The following ADGRL3 variants were observed in gnomAD, a reference collection of about 807,000 sequenced individuals.
ADGRL3 encodes the protein adhesion G protein-coupled receptor L3.
In ADGRL3, 62 loss-of-function variants were observed where a neutral mutation model predicts 153.5. The observed-to-expected ratio is 0.40, with a 90% confidence interval of 0.33 to 0.50. The LOEUF (loss-of-function observed/expected upper bound fraction) is 0.50, where lower values mean the gene tolerates loss of function less well. Ranked by LOEUF, ADGRL3 falls within the 20% of genes least tolerant of loss-of-function variation. The pLI, the probability that ADGRL3 is intolerant of heterozygous loss-of-function variation, is 0.47. For missense variants in ADGRL3, 1,641 were observed against 1,859.4 expected (o/e 0.88, Z 2.16); for synonymous variants, 710 against 672.5 (o/e 1.06, Z -0.86).
At chr4:61,858,147 G>T (rs1334549603) in intron 9 of ADGRL3, among the ~76,000 whole-genome samples, 1 of 152,184 alleles carries the variant, frequency 6.6e-6, no homozygotes, top group Non-Finnish European at 1.5e-5. Flanking sequence ...ATAACCAATG[G>T]CAGTAAATTA....
intron 25 of ADGRL3, 139 bp downstream of exon 25, chr4:62,044,688 A>T (rs1306411285): frequency 1.8e-6 from 1 of 543,842 alleles, no homozygotes; most frequent in Non-Finnish European, 3.3e-6. Context: ...GGTTGAGTGT[A>T]GCAATGTGTT....
chr4:61,730,541 A>C (rs1019922308), intron 6 of ADGRL3, 81 bp from the exon 7 acceptor site: 1 of 351,704 alleles, frequency 2.8e-6, no homozygotes, highest in Non-Finnish European at 5.5e-6. Flanking sequence ...GGAAGAGGTG[A>C]ATAAAAAGTG....
chr4:61,418,435 A>G (rs2097168487), intron 2 of ADGRL3, among the ~76,000 whole-genome samples: 1 of 151,308 alleles, frequency 6.6e-6, no homozygotes, highest in Admixed American at 6.6e-5. Context: ...TGTCTTCACA[A>G]TGGCAGCAAA....
At position 61,368,501 on chromosome 4, in the gene ADGRL3, C is replaced by T. The variant is rs558373282; in HGVS notation, c.-239-14623C>T. Among the ~76,000 whole-genome samples, 574 of 152,174 alleles carry T rather than the reference C, an allele frequency of 3.8e-3. 4 individuals carry two copies. Among genetic ancestry groups the T allele is most frequent in the Non-Finnish European group, 4.8e-3 (329 of 67,984 alleles). On this transcript the variant is annotated intron_variant, in intron 1 of 26. Transcript: ENST00000683033. ...TAAATGGGGAATCCTTTCCCCATTG[C>T]TTGTTTTTCTCAGGTTTGTCAAAGA...
intron 5 of ADGRL3, among the ~76,000 whole-genome samples, chr4:61,626,064 A>G (rs780577886): frequency 6.6e-6 from 1 of 152,018 alleles, no homozygotes; most frequent in Non-Finnish European, 1.5e-5. Flanking sequence ...ATGGCTTTCT[A>G]TTTGACCTTA....
intron 1 of ADGRL3, among the ~76,000 whole-genome samples, chr4:61,275,532 G>C (rs1226326545): frequency 6.6e-6 from 1 of 152,148 alleles, no homozygotes; most frequent in Non-Finnish European, 1.5e-5. Context: ...TGGTTTTTCT[G>C]TTTTTCCCCA....
In ADGRL3 at chr4:61,837,683, G is replaced by A. The variant is rs1385147049; in HGVS notation, c.1480+23794G>A. On this transcript the variant is annotated intron_variant, in intron 9 of 26. Transcript: ENST00000683033. ...TCTGTTTTTAGGGAAGTTCTGGGAA[G>A]GCTTCTGTCTGCATCTATAGATTCT... Among the ~76,000 whole-genome samples, 4 of 152,042 alleles carry A rather than the reference G, an allele frequency of 2.6e-5. No individual in the cohort carries two copies. In the South Asian group the frequency reaches 8.3e-4, roughly 31 times the overall value.
At chr4:61,876,839 C>T (rs950939755) in intron 9 of ADGRL3, among the ~76,000 whole-genome samples, 42 of 151,118 alleles carry the variant, frequency 2.8e-4, no homozygotes, top group African/African-American at 8.7e-4. Context: ...CAGCAGCCCT[C>T]GGGCTGCTCT....
chr4:62,010,547 G>T (rs2099180884), intron 21 of ADGRL3, among the ~76,000 whole-genome samples: 1 of 152,016 alleles, frequency 6.6e-6, no homozygotes, highest in Non-Finnish European at 1.5e-5. Context: ...ATATATTTGT[G>T]AAAGAACAAT....
chr4:61,445,462 G>C (rs2097571861), intron 2 of ADGRL3, among the ~76,000 whole-genome samples: 1 of 152,154 alleles, frequency 6.6e-6, no homozygotes, highest in Non-Finnish European at 1.5e-5. Flanking sequence ...TGTTTAACTT[G>C]GGTTCTAAAG....
chr4:61,403,564 G>A (rs886419885), intron 2 of ADGRL3, among the ~76,000 whole-genome samples: 2 of 152,028 alleles, frequency 1.3e-5, no homozygotes, highest in Admixed American at 6.6e-5. Context: ...TCACCTGGTT[G>A]TTTGTCAGTT....
chr4:62,010,728 T>A (rs2099182061), intron 21 of ADGRL3, among the ~76,000 whole-genome samples: 2 of 152,100 alleles, frequency 1.3e-5, no homozygotes, highest in African/African-American at 4.8e-5. Flanking sequence ...TATTGTAATT[T>A]ATCTGTCTTC....
chr4:61,915,823 G>A (rs1199780290), intron 13 of ADGRL3, among the ~76,000 whole-genome samples: 1 of 151,996 alleles, frequency 6.6e-6, no homozygotes, highest in East Asian at 1.9e-4. Flanking sequence ...AGTACATTCA[G>A]AGCTACCTAC....
intron 1 of ADGRL3, among the ~76,000 whole-genome samples, chr4:61,379,525 C>G (rs187706664): frequency 6.6e-6 from 1 of 152,082 alleles, no homozygotes; most frequent in African/African-American, 2.4e-5. Context: ...ATTACACTGA[C>G]CTTTTTAAAA....
intron 19 of ADGRL3, among the ~76,000 whole-genome samples, chr4:61,994,354 A>G (rs1321735898): frequency 6.6e-6 from 1 of 151,544 alleles, no homozygotes; most frequent in African/African-American, 2.4e-5. Context: ...GTCTCACTAT[A>G]TTGCCCAGGT....
At chr4:61,520,688 G>GTCTA (rs2098525454) in intron 4 of ADGRL3, among the ~76,000 whole-genome samples, 1 of 151,286 alleles carries the variant, frequency 6.6e-6, no homozygotes, top group South Asian at 2.1e-4. Flanking sequence ...GTGTGTGTCT[G>GTCTA]TCTGTCTGTC....
At chr4:61,957,076 G>T (rs2098970002) in intron 17 of ADGRL3, among the ~76,000 whole-genome samples, 1 of 152,104 alleles carries the variant, frequency 6.6e-6, no homozygotes, top group Admixed American at 6.6e-5. Context: ...TGTGAAGAAA[G>T]TCAATGGCAG....
chr4:61,579,993 A>G (rs1039785105), intron 4 of ADGRL3, among the ~76,000 whole-genome samples: 20 of 152,104 alleles, frequency 1.3e-4, no homozygotes, highest in African/African-American at 4.8e-4. Context: ...ACTTAGATAA[A>G]TGTGTTGGCA....
chr4:61,813,444 G>A (rs1293217985), intron 8 of ADGRL3, among the ~76,000 whole-genome samples: 1 of 151,906 alleles, frequency 6.6e-6, no homozygotes, highest in Non-Finnish European at 1.5e-5. Flanking sequence ...AAATAAATAT[G>A]CCACTTAATA....
Sources: allele counts gnomAD v4.1 joint callset (sites outside exome capture counted in the v4.1 genomes callset), GRCh38; gene constraint gnomAD v4.1.1; transcripts MANE v1.5; gene names NCBI Gene and HGNC (gene_info 2026-07-23, HGNC 2026-07-21).